Variants in KCP observed in about 807,000 individuals in gnomAD.
KCP encodes the protein kielin cysteine rich BMP regulator.
KCP carries 194 observed loss-of-function variants against 212.7 expected under a neutral mutation model. The observed-to-expected ratio is 0.91, with a 90% CI of 0.81 to 1.03. The LOEUF (loss-of-function observed/expected upper bound fraction) is 1.03. Among genes scored for constraint, KCP ranks in the 50% least tolerant of loss-of-function variants. The probability of loss-of-function intolerance (pLI) is 0.00; values close to 1 mark genes in which losing one functional copy is unlikely to be tolerated. For synonymous variants in KCP, 833 were observed against 865.3 expected (o/e 0.96, Z 0.65); for missense variants, 2,080 against 2,162.5 (o/e 0.96, Z 0.76).
At position 128,906,326 on chromosome 7, in the gene KCP, C is replaced by T. The variant is rs1369677382; in HGVS notation, c.524G>A (p.Arg175Lys). 2 of 1,550,602 alleles carry T rather than the reference C, an allele frequency of 1.3e-6. No individual in the cohort carries two copies. The highest frequency in any genetic ancestry group is 8.7e-7 in the Non-Finnish European group (1 of 1,146,964). Residue 175 changes from arginine (R) to lysine (K), a missense_variant, in exon 5 of 40, where the codon AGA becomes AAA. Coordinates refer to ENST00000610776, the MANE Select transcript of KCP (RefSeq NM_001366122.1). ...TGCTCCTGGCTCAGGGCAGGGTCCT[C>T]TTGGGCATGGCTTCTGGTTGCAAGT... ...TITCNQKPCP[R>K]GPCPEPGACC... is the part of the protein sequence containing the mutation.
In KCP at chr7:128,886,971, G is replaced by C; in HGVS notation, c.2599-5C>G. ...CTGGCAGCGCATGGAACCTTCCTGG[G>C]GGAGAGAGGCCCATCACACCCTCAA... is the stretch of plus-strand genomic sequence containing the variant. On this transcript the variant is annotated splice_polypyrimidine_tract_variant and splice_region_variant and intron_variant, in intron 23 of 39. Transcript: ENST00000610776. 1 of 1,454,830 alleles carries C rather than the reference G, an allele frequency of 6.9e-7. No individual in the cohort carries two copies. Among genetic ancestry groups the C allele is most frequent in the Non-Finnish European group, 9.4e-7 (1 of 1,062,752 alleles). 90.1% of individuals were successfully genotyped at this position (1,454,830 alleles called of 1,614,324 possible).
chr7:128,887,646 C>G (rs1793750327), intron 22 of KCP, among the ~76,000 whole-genome samples: 1 of 149,784 alleles, frequency 6.7e-6, no homozygotes, highest in Non-Finnish European at 1.5e-5. Context: ...CATACATACA[C>G]AACCACACCC....
At position 128,888,951 on chromosome 7, in the gene KCP, GC is replaced by G. The variant is rs769994043; in HGVS notation, c.2423del (p.Gly808AlafsTer3). 1 of 1,550,814 alleles carries G rather than the reference GC, an allele frequency of 6.4e-7. No homozygotes were observed. The highest frequency in any genetic ancestry group is 8.7e-7 in the Non-Finnish European group (1 of 1,146,740). ...AGGGCCGGCGGCCGCAGGTCACGAA[GC>G]CTCCAAGACAGGTACACAGGTTGCA... is the stretch of plus-strand genomic sequence containing the variant. ...EPCNLCTCLG[G>X]FVTCGRRPCE... On this transcript the variant is annotated frameshift_variant, in exon 22 of 40. Transcript: ENST00000610776. LOFTEE classifies it high-confidence loss of function.
chr7:128,888,953 C>T lies in KCP; in HGVS notation c.2422G>A (p.Gly808Ser), dbSNP rs1291376407. 2 of 1,550,216 alleles carry T rather than the reference C, an allele frequency of 1.3e-6. No homozygotes were observed. Among genetic ancestry groups the T allele is most frequent in the South Asian group, 2.4e-5 (2 of 83,916 alleles). ...GGCCGGCGGCCGCAGGTCACGAAGCCTCCAAGACAGGTACACAGGTTGCAG... is the reference window on the plus strand; with the variant it reads ...GGCCGGCGGCCGCAGGTCACGAAGCTTCCAAGACAGGTACACAGGTTGCAG... ...EPCNLCTCLG[G>S]FVTCGRRPCE... The change falls in exon 22 of 40, where the codon GGC (glycine) becomes AGC (serine). Residue 808 changes from glycine to serine, a missense_variant. Physicochemically the swap from Gly to Ser is moderately conservative, Grantham distance 56. Transcript: ENST00000610776.
chr7:128,903,022 G>T (rs369396004), intron 7 of KCP, 163 bp from the exon 8 acceptor site: 2 of 624,330 alleles, frequency 3.2e-6, no homozygotes, highest in South Asian at 1.9e-5. Flanking sequence ...GGCTCCCAGT[G>T]CCCCAGGCAG....
chr7:128,907,575 G>T (rs1160976440), intron 2 of KCP, 122 bp from the exon 3 acceptor site: 2 of 612,058 alleles, frequency 3.3e-6, no homozygotes, highest in Non-Finnish European at 5.1e-6. Flanking sequence ...GAGCAGAGAT[G>T]GGTCCCCCTC....
chr7:128,883,265 G>A (rs190260283), intron 29 of KCP, among the ~76,000 whole-genome samples: 51 of 151,472 alleles, frequency 3.4e-4, no homozygotes, highest in African/African-American at 7.8e-4. Flanking sequence ...TCAGCCTCCC[G>A]AGTAGCTGGG....
At chr7:128,910,195 C>T (rs2128951613) in intron 1 of KCP, among the ~76,000 whole-genome samples, 1 of 152,338 alleles carries the variant, frequency 6.6e-6, no homozygotes, top group South Asian at 2.1e-4. Flanking sequence ...CCCTCTTAGC[C>T]TCCCCTGGCC....
At chr7:128,908,149 G>A (rs973286654) in intron 2 of KCP, among the ~76,000 whole-genome samples, 8 of 116,610 alleles carry the variant, frequency 6.9e-5, no homozygotes, top group African/African-American at 2.4e-4. Context: ...AAAAGAAAGA[G>A]AGAGAGAGAA....
rs1282013373 is a variant in KCP at position 128,886,972 on chromosome 7, G to GGA, written c.2599-8_2599-7dup. 2 of 1,448,522 alleles carry GGA rather than the reference G, an allele frequency of 1.4e-6. No homozygotes were observed. The highest frequency in any genetic ancestry group is 1.9e-6 in the Non-Finnish European group (2 of 1,056,940). The allele number at this position is 1,448,522 out of a possible 1,614,324, so 89.7% of individuals were successfully genotyped here. ...TGGCAGCGCATGGAACCTTCCTGGGGGAGAGAGGCCCATCACACCCTCAAC... is the reference window on the plus strand; with the variant it reads ...TGGCAGCGCATGGAACCTTCCTGGGGGAGAGAGAGGCCCATCACACCCTCAAC... On this transcript the variant is annotated splice_polypyrimidine_tract_variant and splice_region_variant and intron_variant, in intron 23 of 39. Transcript: ENST00000610776.
chr7:128,883,848 T>C (rs1005729170), intron 29 of KCP, among the ~76,000 whole-genome samples, 154 bp downstream of exon 29: 1 of 152,184 alleles, frequency 6.6e-6, no homozygotes, highest in Non-Finnish European at 1.5e-5. Flanking sequence ...CCCAGTTCCC[T>C]TAGGGATGGT....
chr7:128,893,685 A>G, intron 11 of KCP, 121 bp downstream of exon 11: 1 of 1,121,690 alleles, frequency 8.9e-7, no homozygotes, highest in Non-Finnish European at 1.3e-6. Context: ...AGGTGTGGTG[A>G]GGACTCACTT....
intron 26 of KCP, among the ~76,000 whole-genome samples, chr7:128,885,887 TAGG>T (rs1793617249): frequency 6.7e-6 from 1 of 148,742 alleles, no homozygotes; most frequent in African/African-American, 2.6e-5. Flanking sequence ...GTCTGTAAAA[TAGG>T]AGGACTAAGA....
At chr7:128,887,002 C>A (rs773087567) in intron 23 of KCP, 36 bp from the exon 24 acceptor site, 10 of 1,160,176 alleles carry the variant, frequency 8.6e-6, no homozygotes, top group Non-Finnish European at 1.1e-5. Flanking sequence ...CTCAACTGGA[C>A]TGCACATTTC....
intron 5 of KCP, among the ~76,000 whole-genome samples, chr7:128,904,735 A>C (rs1268611739): frequency 6.6e-6 from 1 of 152,244 alleles, no homozygotes; most frequent in Non-Finnish European, 1.5e-5. Flanking sequence ...CAGACCCCCA[A>C]GTAAGAGACC....
At position 128,886,933 on chromosome 7, in the gene KCP, G is replaced by A. The variant is rs1401689018; in HGVS notation, c.2632C>T (p.Pro878Ser). 5.3e-6 allele frequency: 8 copies of A among 1,520,492 alleles called. No homozygotes were observed. Among genetic ancestry groups the A allele is most frequent in the South Asian group, 1.2e-5 (1 of 82,546 alleles). The allele number at this position is 1,520,492 out of a possible 1,614,324, so 94.2% of individuals were successfully genotyped here. The change falls in exon 24 of 40, where the codon CCC becomes TCC. Residue 878 changes from proline (P) to serine (S), a missense_variant. Coordinates refer to ENST00000610776, the MANE Select transcript of KCP (RefSeq NM_001366122.1). Reference protein sequence around the residue: ...GSMRCQKKPCPPALCPHPSPG... With the variant: ...GSMRCQKKPCSPALCPHPSPG... ...GAGGGGTGGGGGCAGAGAGCTGGGGGACATGGCTTCTTCTGGCAGCGCATG... is the reference window on the plus strand; with the variant it reads ...GAGGGGTGGGGGCAGAGAGCTGGGGAACATGGCTTCTTCTGGCAGCGCATG...
At chr7:128,906,199 G>A in intron 5 of KCP, 80 bp downstream of exon 5, 1 of 1,224,802 alleles carries the variant, frequency 8.2e-7, no homozygotes, top group Admixed American at 2.0e-5. Context: ...GCATGTCCCA[G>A]ACTCACTGAG....
rs569019738 is a variant in KCP at position 128,880,396 on chromosome 7, G to A, written c.3749C>T (p.Ser1250Leu). Residue 1250 changes from serine (S) to leucine (L), a missense_variant, in exon 34 of 40, where the codon TCG becomes TTG. By Grantham distance (145) the Ser-to-Leu change is moderately radical. Coordinates refer to ENST00000610776, the MANE Select transcript of KCP (RefSeq NM_001366122.1). The part of the protein sequence containing the change: ...RCQSQRCSPL[S>L]CGPDKAPALS... The stretch of plus-strand genomic sequence containing the variant: ...GATTGCGGCACTCACGGGGCCACAC[G>A]AGAGCGGTGAGCAGCGCTGGCTCTG... 430 of 1,489,008 alleles carry A rather than the reference G, an allele frequency of 2.9e-4. No homozygotes were observed. Among genetic ancestry groups the A allele is most frequent in the Non-Finnish European group, 3.3e-4 (364 of 1,111,030 alleles). 92.2% of individuals were successfully genotyped at this position (1,489,008 alleles called of 1,614,324 possible).
rs2128943686 is a variant in KCP at position 128,877,151 on chromosome 7, A to G, written c.4779T>C (p.His1593=). The G allele has an allele frequency of 2.0e-6, 3 of 1,501,590 alleles. No homozygotes were observed. The highest frequency in any genetic ancestry group is 2.7e-6 in the Non-Finnish European group (3 of 1,126,444). 93.0% of individuals were successfully genotyped at this position (1,501,590 alleles called of 1,614,324 possible). A position where few individuals can be genotyped will look rare whatever the true frequency, so the allele number is the denominator to read the frequency against. ...CCTCGGGTGGGATGCAGTGGGCCTC[A>G]TGCTCCACCAGGCCTGCAGGGCACT... ...GCQCPAGLVE[H]EAHCIPPEAC... The change falls in exon 40 of 40, where the codon CAT becomes CAC. Residue 1593 remains histidine (H), a synonymous_variant. Coordinates refer to ENST00000610776, the MANE Select transcript of KCP (RefSeq NM_001366122.1).
Sources: allele counts gnomAD v4.1 joint callset (sites outside exome capture counted in the v4.1 genomes callset), GRCh38; gene constraint gnomAD v4.1.1; transcripts MANE v1.5; gene names NCBI Gene and HGNC (gene_info 2026-07-23, HGNC 2026-07-21).